MAP4K3: variants seen among roughly 807,000 people sequenced by gnomAD.
MAP4K3 encodes mitogen-activated protein kinase kinase kinase kinase 3, also known as MAPK/ERK kinase kinase kinase 3.
A neutral mutation model predicts 143.5 loss-of-function variants in MAP4K3; 94 were observed. That is an observed-to-expected ratio of 0.65 (90% CI 0.55 to 0.78). The LOEUF is 0.78. Among genes scored for constraint, MAP4K3 ranks in the 30% least tolerant of loss-of-function variants. The probability of loss-of-function intolerance (pLI) is 0.00; values close to 1 mark genes in which losing one functional copy is unlikely to be tolerated. For missense variants in MAP4K3, 1,077 were observed against 1,068.1 expected (o/e 1.01, Z -0.12); for synonymous variants, 416 against 347.2 (o/e 1.20, Z -2.20).
intron 15 of MAP4K3, among the ~76,000 whole-genome samples, chr2:39,301,791 G>A (rs1003398716): frequency 6.6e-5 from 10 of 152,144 alleles, no homozygotes; most frequent in African/African-American, 9.7e-5. Flanking sequence ...CGGGAGGGCC[G>A]AGGCGGGCGG....
chr2:39,333,961 T>TTTTG (rs368226942), intron 6 of MAP4K3, among the ~76,000 whole-genome samples: 23 of 144,046 alleles, frequency 1.6e-4, no homozygotes, highest in Non-Finnish European at 2.6e-4. Flanking sequence ...TTTCCCATTT[T>TTTTG]TGTGTGTGTG....
chr2:39,374,810 G>C (rs111577610), intron 2 of MAP4K3, among the ~76,000 whole-genome samples: 3 of 152,152 alleles, frequency 2.0e-5, no homozygotes, highest in East Asian at 1.9e-4. Context: ...AAAGGTCTGC[G>C]TAAGTTTTTA....
At chr2:39,284,876 AATTTATT>A (rs1472375546) in intron 21 of MAP4K3, among the ~76,000 whole-genome samples, 1 of 151,372 alleles carries the variant, frequency 6.6e-6, no homozygotes. Flanking sequence ...AAATAAAATA[AATTTATT>A]ATTTATTATC....
chr2:39,270,151 A>C (rs1275330559), intron 26 of MAP4K3, among the ~76,000 whole-genome samples: 1 of 152,224 alleles, frequency 6.6e-6, no homozygotes, highest in Non-Finnish European at 1.5e-5. Context: ...ATTAACTGCC[A>C]AGTTCTGAAA....
intron 4 of MAP4K3, among the ~76,000 whole-genome samples, chr2:39,338,640 CT>C (rs1665050944): frequency 6.6e-6 from 1 of 152,178 alleles, no homozygotes; most frequent in Admixed American, 6.5e-5. Context: ...GTAATATTTC[CT>C]GTGTATGCAT....
At chr2:39,436,041 A>G (rs962869786) in intron 1 of MAP4K3, among the ~76,000 whole-genome samples, 7 of 152,242 alleles carry the variant, frequency 4.6e-5, no homozygotes, top group African/African-American at 1.7e-4. Flanking sequence ...AAGAAGATAC[A>G]CAACTAAATC....
At chr2:39,317,233 C>T (rs535054334) in intron 12 of MAP4K3, among the ~76,000 whole-genome samples, 2 of 152,212 alleles carry the variant, frequency 1.3e-5, no homozygotes, top group South Asian at 4.1e-4. Flanking sequence ...AACTGGACCC[C>T]TTCCTTACAC....
At chr2:39,285,171 T>C (rs1681716158) in intron 21 of MAP4K3, among the ~76,000 whole-genome samples, 1 of 152,200 alleles carries the variant, frequency 6.6e-6, no homozygotes, top group Non-Finnish European at 1.5e-5. Flanking sequence ...GGATTACAGA[T>C]GTGACGGCTG....
chr2:39,412,258 C>T lies in MAP4K3; in HGVS notation c.96+24634G>A, dbSNP rs113738060. Among the ~76,000 whole-genome samples the T allele has an allele frequency of 3.1e-3, 476 of 152,298 alleles. 3 individuals carry two copies. The highest frequency in any genetic ancestry group is 0.011 in the African/African-American group (449 of 41,570). On this transcript the variant is annotated intron_variant, in intron 1 of 33. Coordinates refer to ENST00000263881, the MANE Select transcript of MAP4K3 (RefSeq NM_003618.4). ...ACCAAATTGGATCTACAGGAGATCG[C>T]GCCACACCTAGCTGCAGTCACCACC...
chr2:39,395,217 T>A (rs1454461572), intron 1 of MAP4K3, among the ~76,000 whole-genome samples: 1 of 152,210 alleles, frequency 6.6e-6, no homozygotes, highest in Non-Finnish European at 1.5e-5. Context: ...TGCAAAGGGC[T>A]CTGTTGTATA....
At chr2:39,404,614 T>C (rs576969830) in intron 1 of MAP4K3, among the ~76,000 whole-genome samples, 107 of 140,006 alleles carry the variant, frequency 7.6e-4, no homozygotes, top group Middle Eastern at 7.8e-3. Flanking sequence ...TTCTTCTTTC[T>C]TTCTTTTTTT....
intron 15 of MAP4K3, among the ~76,000 whole-genome samples, chr2:39,303,493 T>C (rs1260298588): frequency 6.6e-6 from 1 of 152,160 alleles, no homozygotes; most frequent in African/African-American, 2.4e-5. Context: ...ATGATTATGT[T>C]ACTATTTATT....
chr2:39,297,900 T>C (rs1343823314), intron 16 of MAP4K3, among the ~76,000 whole-genome samples: 1 of 152,116 alleles, frequency 6.6e-6, no homozygotes, highest in Non-Finnish European at 1.5e-5. Context: ...ATTATTAACA[T>C]TTTACCTAGC....
chr2:39,299,862 A>T, intron 15 of MAP4K3, 61 bp from the exon 16 acceptor site: 1 of 676,482 alleles, frequency 1.5e-6, no homozygotes, highest in East Asian at 3.0e-5. Flanking sequence ...ATGATACATT[A>T]ATATATATAA....
At chr2:39,328,061 T>C (rs575573581) in intron 8 of MAP4K3, among the ~76,000 whole-genome samples, 1 of 152,344 alleles carries the variant, frequency 6.6e-6, no homozygotes. Context: ...CCGGGAGCAG[T>C]GGCTCACGCC....
chr2:39,280,118 C>A (rs987307318), intron 23 of MAP4K3, among the ~76,000 whole-genome samples, 154 bp downstream of exon 23: 5 of 151,658 alleles, frequency 3.3e-5, no homozygotes, highest in Non-Finnish European at 5.9e-5. Flanking sequence ...GATAACAGCA[C>A]AAAGAAACAT....
chr2:39,395,432 G>A (rs561328099), intron 1 of MAP4K3, among the ~76,000 whole-genome samples: 1 of 152,104 alleles, frequency 6.6e-6, no homozygotes, highest in African/African-American at 2.4e-5. Flanking sequence ...GATAATGCTG[G>A]CTTTTTAATC....
intron 22 of MAP4K3, among the ~76,000 whole-genome samples, chr2:39,281,497 T>A (rs1681525318): frequency 6.6e-6 from 1 of 152,160 alleles, no homozygotes; most frequent in Non-Finnish European, 1.5e-5. Context: ...AATAACGACC[T>A]TTTAAGACAG....
intron 1 of MAP4K3, among the ~76,000 whole-genome samples, chr2:39,421,152 T>A (rs1667534938): frequency 6.6e-6 from 1 of 152,200 alleles, no homozygotes; most frequent in South Asian, 2.1e-4. Flanking sequence ...TAGCTCACTA[T>A]CTACTCTTCG....
Sources: gnomAD v4.1 joint callset for allele counts (sites outside exome capture counted in the v4.1 genomes callset) on GRCh38, gnomAD v4.1.1 for gene constraint, MANE v1.5 for transcripts, NCBI Gene and HGNC (gene_info 2026-07-23, HGNC 2026-07-21) for gene names.